ROBO2: variants seen among roughly 807,000 people sequenced by gnomAD.
ROBO2 encodes roundabout homolog 2.
In ROBO2, 53 loss-of-function variants were observed where a neutral mutation model predicts 160.8. That is an observed-to-expected ratio of 0.33 (90% CI 0.26 to 0.41). The LOEUF is 0.41. Ranked by LOEUF, ROBO2 falls within the 10% of genes least tolerant of loss-of-function variation. The probability of loss-of-function intolerance (pLI) is 1.00; values close to 1 mark genes in which losing one functional copy is unlikely to be tolerated. For synonymous variants in ROBO2, 664 were observed against 611.7 expected, an observed-to-expected ratio of 1.09 and a Z score of -1.26; for missense variants, 1,577 against 1,722.4, an observed-to-expected ratio of 0.92 and a Z score of 1.49.
At chr3:76,055,850 C>G (rs1334486983) in intron 2 of ROBO2, among the ~76,000 whole-genome samples, 2 of 152,152 alleles carry the variant, frequency 1.3e-5, no homozygotes, top group African/African-American at 4.8e-5. Flanking sequence ...CCTCTGCCTC[C>G]TGGGTTCAAG....
chr3:76,185,211 TATATAC>T (rs1257556000), intron 2 of ROBO2, among the ~76,000 whole-genome samples: 3 of 107,894 alleles, frequency 2.8e-5, no homozygotes, highest in African/African-American at 6.2e-5. Flanking sequence ...TATATATATA[TATATAC>T]ACACACAAAG....
At chr3:76,258,880 T>C (rs1706565211) in intron 2 of ROBO2, among the ~76,000 whole-genome samples, 1 of 152,088 alleles carries the variant, frequency 6.6e-6, no homozygotes, top group African/African-American at 2.4e-5. Flanking sequence ...GTGTAAGCTA[T>C]AATGTAGGCT....
intron 2 of ROBO2, among the ~76,000 whole-genome samples, chr3:76,931,682 A>C (rs919958023): frequency 6.6e-6 from 1 of 151,826 alleles, no homozygotes; most frequent in Non-Finnish European, 1.5e-5. Context: ...GATGTTATAC[A>C]GACTTTTTTT....
At chr3:76,230,956 G>C (rs1264348867) in intron 2 of ROBO2, among the ~76,000 whole-genome samples, 2 of 152,128 alleles carry the variant, frequency 1.3e-5, no homozygotes, top group Admixed American at 6.5e-5. Flanking sequence ...TGAATCTACA[G>C]GCCGGAGAAC....
chr3:76,715,633 G>C (rs2093367267), intron 2 of ROBO2, among the ~76,000 whole-genome samples: 1 of 152,186 alleles, frequency 6.6e-6, no homozygotes, highest in Non-Finnish European at 1.5e-5. Context: ...ATGTTGTGTT[G>C]TGCATTGCAA....
At chr3:77,096,225 G>A (rs1414799656) in intron 1 of ROBO2, among the ~76,000 whole-genome samples, 1 of 152,110 alleles carries the variant, frequency 6.6e-6, no homozygotes, top group Non-Finnish European at 1.5e-5. Context: ...TTATATAAGA[G>A]CAAACTTTTA....
At chr3:76,233,140 AT>A (rs201000625) in intron 2 of ROBO2, among the ~76,000 whole-genome samples, 8 of 149,404 alleles carry the variant, frequency 5.4e-5, no homozygotes, top group Non-Finnish European at 8.9e-5. Context: ...GTGTTATTCT[AT>A]TTTTTTTTAA....
At chr3:76,316,950 C>T (rs904279780) in intron 2 of ROBO2, among the ~76,000 whole-genome samples, 4 of 152,118 alleles carry the variant, frequency 2.6e-5, no homozygotes, top group African/African-American at 7.2e-5. Flanking sequence ...CTTGAAATAA[C>T]CCCAACCACT....
intron 2 of ROBO2, among the ~76,000 whole-genome samples, chr3:76,181,644 A>G (rs1459706536): frequency 6.6e-6 from 1 of 152,192 alleles, no homozygotes; most frequent in East Asian, 1.9e-4. Context: ...CTAAGATTCC[A>G]CTGCACTATT....
chr3:75,952,702 T>A (rs1316365054), intron 2 of ROBO2, among the ~76,000 whole-genome samples: 1 of 151,986 alleles, frequency 6.6e-6, no homozygotes, highest in Non-Finnish European at 1.5e-5. Context: ...ATAGGTTTTG[T>A]CAAATGTGTA....
At chr3:76,514,216 G>T (rs1475063426) in intron 2 of ROBO2, among the ~76,000 whole-genome samples, 1 of 152,034 alleles carries the variant, frequency 6.6e-6, no homozygotes, top group Admixed American at 6.6e-5. Context: ...TGTTTCCTGT[G>T]TTTTTTATAA....
At chr3:76,299,021 T>G (rs1475558754) in intron 2 of ROBO2, among the ~76,000 whole-genome samples, 2 of 152,180 alleles carry the variant, frequency 1.3e-5, no homozygotes, top group Admixed American at 6.5e-5. Context: ...GTTTAACAAA[T>G]ATTTACTGAG....
At chr3:77,242,279 A>G (rs1268298702) in intron 2 of ROBO2, among the ~76,000 whole-genome samples, 1 of 152,166 alleles carries the variant, frequency 6.6e-6, no homozygotes, top group Non-Finnish European at 1.5e-5. Context: ...GATTAGCAGC[A>G]TTCTTCTCTG....
At chr3:76,231,808 T>C (rs1244032387) in intron 2 of ROBO2, among the ~76,000 whole-genome samples, 1 of 152,224 alleles carries the variant, frequency 6.6e-6, no homozygotes, top group Non-Finnish European at 1.5e-5. Flanking sequence ...ATCTGTACTG[T>C]AATATTATGT....
At chr3:76,103,074 C>G (rs546771340) in intron 2 of ROBO2, among the ~76,000 whole-genome samples, 1 of 152,040 alleles carries the variant, frequency 6.6e-6, no homozygotes, top group Non-Finnish European at 1.5e-5. Context: ...CCGCCCGCCT[C>G]GGCCTCCCAA....
At chr3:76,381,029 C>T (rs73840928) in intron 2 of ROBO2, among the ~76,000 whole-genome samples, 2,565 of 134,614 alleles carry the variant, frequency 0.019, 71 homozygotes, top group African/African-American at 0.073. Context: ...CTTACGTGAG[C>T]GGACTAAAAA....
intron 2 of ROBO2, among the ~76,000 whole-genome samples, chr3:77,031,744 A>C (rs1450525600): frequency 6.7e-6 from 1 of 148,260 alleles, no homozygotes; most frequent in African/African-American, 2.5e-5. Context: ...TATATATTAG[A>C]TATGTAGTTT....
chr3:76,054,917 A>G (rs1192566253), intron 2 of ROBO2, among the ~76,000 whole-genome samples: 2 of 152,272 alleles, frequency 1.3e-5, no homozygotes, highest in Admixed American at 6.5e-5. Context: ...ATCTCTGGAC[A>G]TATCCTTAAG....
intron 2 of ROBO2, among the ~76,000 whole-genome samples, chr3:76,016,496 G>A (rs2066408958): frequency 2.0e-5 from 3 of 151,866 alleles, no homozygotes; most frequent in Non-Finnish European, 4.4e-5. Flanking sequence ...ACAGTTATTT[G>A]AAGCCTGTCT....
Sources: allele counts gnomAD v4.1 joint callset (sites outside exome capture counted in the v4.1 genomes callset), GRCh38; gene constraint gnomAD v4.1.1; transcripts MANE v1.5; gene names NCBI Gene and HGNC (gene_info 2026-07-23, HGNC 2026-07-21).